ADGRL2: variants seen among roughly 807,000 people sequenced by gnomAD.
The protein encoded by ADGRL2 is adhesion G protein-coupled receptor L2.
ADGRL2 carries 44 observed loss-of-function variants against 157.4 expected under a neutral mutation model. The ratio of observed to expected loss-of-function variants is 0.28; its 90% CI spans 0.22 to 0.36. The LOEUF is 0.36. Ranked by LOEUF, ADGRL2 falls within the 10% of genes least tolerant of loss-of-function variation. The pLI, the probability that ADGRL2 is intolerant of heterozygous loss-of-function variation, is 1.00. For synonymous variants in ADGRL2, 585 were observed against 624.7 expected (o/e 0.94, Z 0.95); for missense variants, 1,510 against 1,768.9 (o/e 0.85, Z 2.63).
At chr1:81,426,559 GA>G in intron 1 of ADGRL2, 1 of 452,628 alleles carries the variant, frequency 2.2e-6, no homozygotes, top group Non-Finnish European at 4.4e-6. Flanking sequence ...GAGTAGTTGG[GA>G]AAACTGTTTA....
chr1:81,967,379 A>G (rs572750213), intron 13 of ADGRL2, among the ~76,000 whole-genome samples: 1 of 151,372 alleles, frequency 6.6e-6, no homozygotes, highest in Admixed American at 6.6e-5. Context: ...CTCCTGCCTC[A>G]GCCTCCCGAG....
Position 81,571,349 on chromosome 1 carries a change from C to CAT in ADGRL2, c.-247-9515_-247-9514dup, listed in dbSNP as rs111883003. ...AAAAACAAATACAAATATATATATA[C>CAT]ATATATATATATAATATATATTTGT... On this transcript the variant is annotated intron_variant, in intron 2 of 24. Coordinates refer to the ADGRL2 transcript ENST00000370721. Among the ~76,000 whole-genome samples the CAT allele has an allele frequency of 9.3e-3, 1,338 of 143,386 alleles. 17 individuals carry two copies. The highest frequency in any genetic ancestry group is 0.021 in the African/African-American group (813 of 39,062). 94.1% of individuals were successfully genotyped at this position (143,386 alleles called of 152,430 possible). A position where few individuals can be genotyped will look rare whatever the true frequency, so the allele number is the denominator to read the frequency against.
At chr1:81,536,776 G>T (rs1388350510) in intron 2 of ADGRL2, among the ~76,000 whole-genome samples, 1 of 152,078 alleles carries the variant, frequency 6.6e-6, no homozygotes, top group Non-Finnish European at 1.5e-5. Flanking sequence ...ATAATATATT[G>T]ATAAAATGGT....
At chr1:81,601,038 G>A (rs1285071068) in intron 3 of ADGRL2, among the ~76,000 whole-genome samples, 2 of 152,192 alleles carry the variant, frequency 1.3e-5, no homozygotes, top group African/African-American at 4.8e-5. Flanking sequence ...TCCATCCAGT[G>A]CACAGGTGAT....
chr1:81,557,439 GA>G (rs1186385213), intron 2 of ADGRL2: 1 of 122,486 alleles, frequency 8.2e-6, no homozygotes, highest in East Asian at 2.9e-4. Context: ...GAAAAAGAAA[GA>G]AAGAAAGAGA....
chr1:81,402,492 C>T (rs1234021279), intron 1 of ADGRL2, among the ~76,000 whole-genome samples: 1 of 152,238 alleles, frequency 6.6e-6, no homozygotes, highest in Non-Finnish European at 1.5e-5. Flanking sequence ...TCTCGGTATA[C>T]ATTATTCTAA....
At chr1:81,722,291 TAA>T (rs1037353995) in intron 1 of ADGRL2, 13 of 446,408 alleles carry the variant, frequency 2.9e-5, no homozygotes, top group Non-Finnish European at 3.7e-5. Flanking sequence ...AGACTCCGTC[TAA>T]AAAAAAAAGA....
At chr1:81,825,711 A>AAAT (rs1206568162) in intron 1 of ADGRL2, among the ~76,000 whole-genome samples, 4 of 150,160 alleles carry the variant, frequency 2.7e-5, no homozygotes, top group Non-Finnish European at 5.9e-5. Context: ...AGTTAGAGTG[A>AAAT]AATAATAATA....
intron 2 of ADGRL2, among the ~76,000 whole-genome samples, chr1:81,779,411 A>C (rs1327085346): frequency 2.0e-5 from 3 of 152,134 alleles, no homozygotes; most frequent in Non-Finnish European, 4.4e-5. Flanking sequence ...TCATGAATGA[A>C]TTTTATGTCT....
At chr1:81,406,079 A>C (rs1350110088) in intron 1 of ADGRL2, among the ~76,000 whole-genome samples, 1 of 152,192 alleles carries the variant, frequency 6.6e-6, no homozygotes, top group Non-Finnish European at 1.5e-5. Flanking sequence ...AAGTATTTTG[A>C]ATATTGCTCT....
intron 2 of ADGRL2, among the ~76,000 whole-genome samples, chr1:81,791,003 G>A (rs866439931): frequency 7.5e-6 from 1 of 134,044 alleles, no homozygotes; most frequent in Non-Finnish European, 1.5e-5. Context: ...GGAGGTGGAG[G>A]TTATGGTGAG....
In ADGRL2 at chr1:81,991,061, T is replaced by C. The variant is rs762437696; in HGVS notation, c.4326T>C (p.Gly1442=). 8.7e-6 allele frequency: 14 copies of C among 1,613,696 alleles called. No homozygotes were observed. The highest frequency in any genetic ancestry group is 1.2e-5 in the Non-Finnish European group (14 of 1,179,862). Residue 1442 remains glycine, a synonymous_variant, in exon 24 of 24, where the codon GGT becomes GGC. Transcript: ENST00000686636. ...AGATCAGCAGGGGCAATAGTGATGG[T>C]TATATAATCCCCATTAACAAAGAAG... is the stretch of plus-strand genomic sequence containing the variant. ...CYQISRGNSD[G]YIIPINKEGC...
chr1:81,325,182 T>A (rs1468347633), intron 1 of ADGRL2, among the ~76,000 whole-genome samples: 3 of 152,292 alleles, frequency 2.0e-5, no homozygotes, highest in African/African-American at 7.2e-5. Flanking sequence ...CAGCCACAAA[T>A]GTCAAGTTTA....
At chr1:81,445,620 GTTAT>G (rs1262371284) in intron 2 of ADGRL2, among the ~76,000 whole-genome samples, 1 of 152,074 alleles carries the variant, frequency 6.6e-6, no homozygotes, top group African/African-American at 2.4e-5. Context: ...TGCTTTCCTG[GTTAT>G]TACTAAGTAA....
chr1:81,420,247 G>A (rs1179968182), intron 1 of ADGRL2, among the ~76,000 whole-genome samples: 1 of 152,024 alleles, frequency 6.6e-6, no homozygotes, highest in Non-Finnish European at 1.5e-5. Flanking sequence ...TCAGCATATT[G>A]GATACTATCC....
chr1:81,990,996 C>G lies in ADGRL2; in HGVS notation c.4261C>G (p.Pro1421Ala). 1.2e-6 allele frequency: 2 copies of G among 1,614,016 alleles called. No homozygotes were observed. Among genetic ancestry groups the G allele is most frequent in the Non-Finnish European group, 1.7e-6 (2 of 1,180,002 alleles). Residue 1421 changes from proline (P) to alanine (A), a missense_variant, in exon 24 of 24, where the codon CCA becomes GCA. Physicochemically the swap from Pro to Ala is conservative, Grantham distance 27. This residue lies in a region of ADGRL2 where 327 missense variants were observed against 310.1 expected (regional missense o/e 1.05). Transcript: ENST00000686636. ...ENEDIYYKSMPNLGAGHQLQM... is the reference protein window; with the variant it reads ...ENEDIYYKSMANLGAGHQLQM... ...TGAGGACATTTACTATAAAAGCATG[C>G]CAAATCTTGGAGCTGGCCATCAGCT... is the stretch of plus-strand genomic sequence containing the variant.
intron 3 of ADGRL2, among the ~76,000 whole-genome samples, chr1:81,581,221 T>A (rs2080899931): frequency 6.6e-6 from 1 of 152,226 alleles, no homozygotes; most frequent in Non-Finnish European, 1.5e-5. Flanking sequence ...AAAAAAAGTT[T>A]ATTCTTGAAC....
At chr1:81,962,056 T>A (rs143200056) in intron 11 of ADGRL2, among the ~76,000 whole-genome samples, 89 of 152,258 alleles carry the variant, frequency 5.8e-4, no homozygotes, top group Non-Finnish European at 1.1e-3. Flanking sequence ...TACACACACA[T>A]ACTCCCTAGA....
intron 16 of ADGRL2, among the ~76,000 whole-genome samples, chr1:81,971,343 T>C (rs955977506): frequency 5.9e-5 from 9 of 152,220 alleles, no homozygotes; most frequent in Admixed American, 5.2e-4. Context: ...TATCCTTTTC[T>C]AGCATTTATC....
Sources: allele counts gnomAD v4.1 joint callset (sites outside exome capture counted in the v4.1 genomes callset), GRCh38; gene constraint gnomAD v4.1.1; regional missense constraint gnomAD v4.1.1; transcripts MANE v1.5; gene names NCBI Gene and HGNC (gene_info 2026-07-23, HGNC 2026-07-21).